Variants in WDR59 observed in about 807,000 individuals in gnomAD.
The protein encoded by WDR59 is GATOR2 complex protein WDR59.
In WDR59, 100 loss-of-function variants were observed where a neutral mutation model predicts 131.2. The ratio of observed to expected loss-of-function variants is 0.76; its 90% CI spans 0.65 to 0.90. The LOEUF is 0.90. WDR59 is among the 40% of genes least tolerant of loss of function. WDR59 has a pLI of 0.00. For missense variants in WDR59, 1,203 were observed against 1,262.2 expected (o/e 0.95, Z 0.71); for synonymous variants, 601 against 466.2 (o/e 1.29, Z -3.72).
At position 74,909,647 on chromosome 16, in the gene WDR59, T is replaced by C; in HGVS notation, c.1496A>G (p.Asp499Gly). The C allele has an allele frequency of 8.9e-6, 14 of 1,568,592 alleles. No homozygotes were observed. Among genetic ancestry groups the C allele is most frequent in the Non-Finnish European group, 1.2e-5 (14 of 1,160,896 alleles). Residue 499 changes from aspartate (D) to glycine (G), a missense_variant, in exon 16 of 26, where the codon GAC (aspartate) becomes GGC (glycine). Physicochemically the swap from Asp to Gly is moderately conservative, Grantham distance 94. Coordinates refer to ENST00000262144, the MANE Select transcript of WDR59 (RefSeq NM_030581.4). ...TGCAAACGGGTTGCTGGAAGCGCTG[T>C]CTTCCTGGTTCTGAAATTTAAAAAT... ...SCLESFVNQE[D>G]SASSNPFALP...
intron 18 of WDR59, among the ~76,000 whole-genome samples, chr16:74,896,383 C>G (rs11866550): frequency 0.21 from 32,388 of 152,166 alleles, 3,789 homozygotes; most frequent in Non-Finnish European, 0.26. Flanking sequence ...TAATCCCACT[C>G]TTTGGGAGGC....
intron 10 of WDR59, among the ~76,000 whole-genome samples, chr16:74,921,363 A>G (rs2030208493): frequency 6.6e-6 from 1 of 152,188 alleles, no homozygotes; most frequent in South Asian, 2.1e-4. Context: ...AGGCAGTTCC[A>G]ATTTACACAA....
At chr16:74,965,701 A>C in intron 2 of WDR59, 72 bp downstream of exon 2, 1 of 1,565,768 alleles carries the variant, frequency 6.4e-7, no homozygotes, top group Non-Finnish European at 8.8e-7. Flanking sequence ...AATAGCTTCC[A>C]AGTTCCCAGA....
rs374539013 is a variant in WDR59 at position 74,916,193 on chromosome 16, G to T, written c.1033C>A (p.Pro345Thr). 1 of 1,614,066 alleles carries T rather than the reference G, an allele frequency of 6.2e-7. No individual in the cohort carries two copies. Reference sequence around the variant, plus strand: ...TCTTCAGTGTGCAGGGTCTTCTCAGGTTCCGGCAGAAGGGAAATACTCTCA... The same window carrying T: ...TCTTCAGTGTGCAGGGTCTTCTCAGTTTCCGGCAGAAGGGAAATACTCTCA... ...FIESISLLPE[P>T]EKTLHTEDTD... The change falls in exon 12 of 26, where the codon CCT (proline) becomes ACT (threonine). Residue 345 changes from proline (P) to threonine (T), a missense_variant. Transcript: ENST00000262144.
chr16:74,946,858 A>G (rs2032673557), intron 6 of WDR59, among the ~76,000 whole-genome samples: 1 of 152,248 alleles, frequency 6.6e-6, no homozygotes, highest in Non-Finnish European at 1.5e-5. Context: ...TACCATGTAC[A>G]GTAACCATTT....
chr16:74,936,774 G>A (rs528871019), intron 8 of WDR59, among the ~76,000 whole-genome samples: 3 of 151,188 alleles, frequency 2.0e-5, no homozygotes, highest in Non-Finnish European at 2.9e-5. Flanking sequence ...GCAGTGAGCC[G>A]AGATCACACC....
intron 8 of WDR59, among the ~76,000 whole-genome samples, chr16:74,927,505 T>C (rs1013596968): frequency 1.3e-5 from 2 of 150,072 alleles, no homozygotes; most frequent in African/African-American, 4.9e-5. Flanking sequence ...GGAGAATTGC[T>C]TGAACCCCGG....
intron 1 of WDR59, among the ~76,000 whole-genome samples, chr16:74,968,443 G>C (rs1017553332): frequency 6.6e-6 from 1 of 152,128 alleles, no homozygotes; most frequent in South Asian, 2.1e-4. Context: ...AATATGGACC[G>C]GGTGCAGTAG....
chr16:74,916,161 A>G lies in WDR59; in HGVS notation c.1065T>C (p.Asp355=). 3 of 1,614,152 alleles carry G rather than the reference A, an allele frequency of 1.9e-6. No individual in the cohort carries two copies. The highest frequency in any genetic ancestry group is 2.5e-6 in the Non-Finnish European group (3 of 1,180,016). Residue 355 remains aspartate, a synonymous_variant, in exon 12 of 26, where the codon GAT becomes GAC. Transcript: ENST00000262144. ...CCCCATGGCTTGCAGTGTGCTGGTG[A>G]TCTGTATCTTCAGTGTGCAGGGTCT... ...PEKTLHTEDT[D]HQHTASHGEE... is the part of the protein sequence containing the mutation.
In WDR59 at chr16:74,885,717, C is replaced by G. The variant is rs763404889; in HGVS notation, c.2625G>C (p.Leu875=). Residue 875 remains leucine (L), a synonymous_variant, in exon 25 of 26, where the codon CTG becomes CTC. Coordinates refer to ENST00000262144, the MANE Select transcript of WDR59 (RefSeq NM_030581.4). ...CYGEILYRWG[L]REKRAEVLKF... ...TCAACACTTCAGCTCGCTTCTCTCT[C>G]AGACCCCAACGGTAGAGGATTTCCC... is the stretch of plus-strand genomic sequence containing the variant. 2.5e-5 allele frequency: 40 copies of G among 1,614,032 alleles called. No homozygotes were observed. The highest frequency in any genetic ancestry group is 3.4e-5 in the Non-Finnish European group (40 of 1,180,044).
intron 25 of WDR59, among the ~76,000 whole-genome samples, chr16:74,876,747 A>G (rs1964234929): frequency 6.6e-6 from 1 of 152,168 alleles, no homozygotes; most frequent in Non-Finnish European, 1.5e-5. Flanking sequence ...TCTGCCCTGT[A>G]TATACACAAT....
rs1253513253 is a variant in WDR59 at position 74,985,123 on chromosome 16, C to A, written c.-106G>T. 1.5e-5 allele frequency: 17 copies of A among 1,144,148 alleles called. No individual in the cohort carries two copies. Among genetic ancestry groups the A allele is most frequent in the Admixed American group, 6.0e-5 (3 of 49,840 alleles). The allele number at this position is 1,144,148 out of a possible 1,614,324, so 70.9% of individuals were successfully genotyped here. On this transcript the variant is annotated 5_prime_UTR_variant, in exon 1 of 26. Transcript: ENST00000262144. ...CACAGCCAGAGAATCAGCCCCGACACGCCCCGTGCCCTGGTTGCTCCTGAG... is the reference window on the plus strand; with the variant it reads ...CACAGCCAGAGAATCAGCCCCGACAAGCCCCGTGCCCTGGTTGCTCCTGAG...
intron 10 of WDR59, 104 bp downstream of exon 10, chr16:74,921,843 C>G: frequency 3.5e-6 from 5 of 1,412,470 alleles, no homozygotes; most frequent in Non-Finnish European, 4.7e-6. Flanking sequence ...TCCTAAAGCC[C>G]AGCTCTCTCT....
At chr16:74,978,842 C>T (rs79691734) in intron 1 of WDR59, among the ~76,000 whole-genome samples, 7,974 of 152,138 alleles carry the variant, frequency 0.052, 224 homozygotes, top group South Asian at 0.077. Flanking sequence ...GTATGTTCAG[C>T]TGCTTTGGAC....
chr16:74,963,331 A>T (rs1480206725), intron 2 of WDR59: 7 of 152,220 alleles, frequency 4.6e-5, no homozygotes, highest in African/African-American at 1.7e-4. Context: ...AAAGACATGG[A>T]ATCAATCCAA....
chr16:74,958,347 T>G (rs7205455), intron 2 of WDR59, among the ~76,000 whole-genome samples: 1 of 151,408 alleles, frequency 6.6e-6, no homozygotes. Context: ...CCCAGCACTT[T>G]GTGAGGCCAA....
At chr16:74,917,873 C>A in intron 11 of WDR59, 56 bp downstream of exon 11, 1 of 1,350,494 alleles carries the variant, frequency 7.4e-7, no homozygotes, top group Non-Finnish European at 1.0e-6. Context: ...AATCCTGAAT[C>A]TTACACTTTT....
At chr16:74,956,105 C>T (rs891198058) in intron 3 of WDR59, among the ~76,000 whole-genome samples, 27 of 152,256 alleles carry the variant, frequency 1.8e-4, no homozygotes, top group African/African-American at 6.0e-4. Flanking sequence ...AAGGTCAACT[C>T]CACACCAGCT....
At chr16:74,975,924 G>A (rs1302960264) in intron 1 of WDR59, among the ~76,000 whole-genome samples, 2 of 151,990 alleles carry the variant, frequency 1.3e-5, no homozygotes, top group Middle Eastern at 3.2e-3. Flanking sequence ...GCTAAGGTGG[G>A]AGGATCACTT....
Sources: allele counts gnomAD v4.1 joint callset (sites outside exome capture counted in the v4.1 genomes callset), GRCh38; gene constraint gnomAD v4.1.1; transcripts MANE v1.5; gene names NCBI Gene and HGNC (gene_info 2026-07-23, HGNC 2026-07-21).